VPS13A: variants seen among roughly 807,000 people sequenced by gnomAD.
VPS13A encodes the protein intermembrane lipid transfer protein VPS13A.
VPS13A carries 264 observed loss-of-function variants against 390.9 expected under a neutral mutation model. That is an observed-to-expected ratio of 0.68 (90% confidence interval 0.61 to 0.75). The LOEUF is 0.75. Among genes scored for constraint, VPS13A ranks in the 30% least tolerant of loss-of-function variants. The pLI is 0.00. For missense variants in VPS13A, 3,409 were observed against 3,733.9 expected, an observed-to-expected ratio of 0.91 and a Z score of 2.27; for synonymous variants, 1,231 against 1,227.1, an observed-to-expected ratio of 1.00 and a Z score of -0.07.
chr9:77,397,747 A>G (rs1325127230), intron 68 of VPS13A, among the ~76,000 whole-genome samples: 1 of 152,162 alleles, frequency 6.6e-6, no homozygotes, highest in East Asian at 1.9e-4. Context: ...CTAAATGCAA[A>G]AGGACCTGTT....
chr9:77,410,886 C>T (rs1053478038), intron 71 of VPS13A, among the ~76,000 whole-genome samples: 9 of 151,696 alleles, frequency 5.9e-5, no homozygotes, highest in Non-Finnish European at 1.3e-4. Flanking sequence ...ATCAACGAGA[C>T]AAAGTTAACA....
chr9:77,350,565 G>A (rs896563533), intron 52 of VPS13A, among the ~76,000 whole-genome samples: 2 of 152,024 alleles, frequency 1.3e-5, no homozygotes, highest in African/African-American at 4.8e-5. Flanking sequence ...AAGTGATAAC[G>A]TTTTTCTCAA....
intron 1 of VPS13A, among the ~76,000 whole-genome samples, chr9:77,186,511 T>TA (rs1471665436): frequency 6.6e-6 from 1 of 152,084 alleles, no homozygotes. Flanking sequence ...AGTCTCTGCT[T>TA]ACTGCAACCT....
At chr9:77,313,870 A>T in intron 35 of VPS13A, 122 bp from the exon 36 acceptor site, 1 of 1,094,218 alleles carries the variant, frequency 9.1e-7, no homozygotes. Context: ...CTAATATTTT[A>T]TTTTCTTGAA....
chr9:77,307,749 T>A (rs1245836699), intron 34 of VPS13A, among the ~76,000 whole-genome samples, 196 bp from the exon 35 acceptor site: 2 of 152,236 alleles, frequency 1.3e-5, no homozygotes, highest in Non-Finnish European at 2.9e-5. Flanking sequence ...ACACCTAATT[T>A]AGTTCTATAT....
intron 1 of VPS13A, among the ~76,000 whole-genome samples, chr9:77,194,461 G>T (rs1373513129): frequency 6.6e-6 from 1 of 152,102 alleles, no homozygotes; most frequent in Admixed American, 6.5e-5. Flanking sequence ...ACCTAGAGGT[G>T]TGTGGTGAGC....
At chr9:77,343,282 A>G (rs1368925651) in intron 50 of VPS13A, among the ~76,000 whole-genome samples, 1 of 152,216 alleles carries the variant, frequency 6.6e-6, no homozygotes, top group Non-Finnish European at 1.5e-5. Context: ...TATATTCCTA[A>G]GCATGTCTCA....
chr9:77,237,115 CTT>C (rs1298231430), intron 17 of VPS13A, among the ~76,000 whole-genome samples: 2 of 152,064 alleles, frequency 1.3e-5, no homozygotes, highest in African/African-American at 4.8e-5. Flanking sequence ...GTCTCGATCT[CTT>C]GACCTCGTGA....
At chr9:77,404,310 A>G (rs1834504264) in intron 69 of VPS13A, among the ~76,000 whole-genome samples, 1 of 152,152 alleles carries the variant, frequency 6.6e-6, no homozygotes, top group Non-Finnish European at 1.5e-5. Flanking sequence ...TATATATACC[A>G]TTATGTACTT....
rs1395117906 is a variant in VPS13A, at chr9:77,214,343, T to C, written c.711T>C (p.Asn237=). Residue 237 remains asparagine (N), a synonymous_variant, in exon 10 of 72, where the codon AAT becomes AAC. Transcript: ENST00000360280. ...TCTTTTAATAGGACGACTTGAAGAA[T>C]GGCATTGTCAATGAAAATATTGTTC... ...DYDNSLDDLK[N]GIVNENIVPE... 6.2e-7 allele frequency: 1 copy of C among 1,613,036 alleles called. No individual in the cohort carries two copies. The highest frequency in any genetic ancestry group is 1.7e-5 in the Admixed American group (1 of 60,008).
intron 38 of VPS13A, among the ~76,000 whole-genome samples, chr9:77,315,745 T>C (rs997310192): frequency 6.6e-6 from 1 of 152,090 alleles, no homozygotes; most frequent in African/African-American, 2.4e-5. Context: ...GGAATTTGTC[T>C]AGTGGAAAAA....
chr9:77,214,414 GTAGT>G (rs769586363), intron 10 of VPS13A, 28 bp downstream of exon 10: 1 of 1,569,016 alleles, frequency 6.4e-7, no homozygotes, highest in South Asian at 1.1e-5. Flanking sequence ...GATAAAAAAA[GTAGT>G]TAAAGTAATT....
intron 54 of VPS13A, among the ~76,000 whole-genome samples, chr9:77,354,909 T>A (rs1199101545): frequency 6.6e-6 from 1 of 152,126 alleles, no homozygotes; most frequent in Non-Finnish European, 1.5e-5. Flanking sequence ...TTTAAACAGA[T>A]TTTTCTCTAC....
At chr9:77,406,531 C>T (rs985465102) in intron 70 of VPS13A, among the ~76,000 whole-genome samples, 1 of 152,158 alleles carries the variant, frequency 6.6e-6, no homozygotes, top group Non-Finnish European at 1.5e-5. Context: ...GATTCTCCTG[C>T]CTCAGCCTCC....
intron 59 of VPS13A, among the ~76,000 whole-genome samples, chr9:77,362,812 AGT>A (rs1832214281): frequency 6.6e-6 from 1 of 152,128 alleles, no homozygotes; most frequent in Non-Finnish European, 1.5e-5. Context: ...TGTTTTTCAG[AGT>A]GTAAGTTTTA....
intron 5 of VPS13A, among the ~76,000 whole-genome samples, chr9:77,206,898 G>A (rs1404447186): frequency 2.0e-5 from 3 of 151,464 alleles, no homozygotes; most frequent in African/African-American, 7.3e-5. Flanking sequence ...TTTACTTGTT[G>A]GCAAACATTA....
chr9:77,411,842 G>C (rs559140152), intron 71 of VPS13A, among the ~76,000 whole-genome samples: 1 of 151,570 alleles, frequency 6.6e-6, no homozygotes, highest in African/African-American at 2.4e-5. Context: ...TTGATGGACC[G>C]CCAGCAAGTC....
intron 12 of VPS13A, 117 bp from the exon 13 acceptor site, chr9:77,221,068 A>G: frequency 1.0e-6 from 1 of 975,842 alleles, no homozygotes; most frequent in Non-Finnish European, 1.6e-6. Flanking sequence ...CTCAGATAAT[A>G]TATCATTTTC....
chr9:77,207,910 A>G (rs1246375727), intron 5 of VPS13A, among the ~76,000 whole-genome samples: 1 of 151,930 alleles, frequency 6.6e-6, no homozygotes, highest in East Asian at 1.9e-4. Flanking sequence ...GTTTTGTTTC[A>G]TTACCCTGCA....
Sources: gnomAD v4.1 joint callset for allele counts (sites outside exome capture counted in the v4.1 genomes callset) on GRCh38, gnomAD v4.1.1 for gene constraint, MANE v1.5 for transcripts, NCBI Gene and HGNC (gene_info 2026-07-23, HGNC 2026-07-21) for gene names.